DIXDC1: variants seen among roughly 807,000 people sequenced by gnomAD.
DIXDC1 encodes the protein dixin.
Under a neutral mutation model 103.1 loss-of-function variants are expected in DIXDC1, and 64 were observed. The observed-to-expected ratio is 0.62, with a 90% CI of 0.51 to 0.76. The LOEUF (loss-of-function observed/expected upper bound fraction) is 0.76, where lower values mean the gene tolerates loss of function less well. Ranked by LOEUF, DIXDC1 falls within the 30% of genes least tolerant of loss-of-function variation. The probability of loss-of-function intolerance (pLI) is 0.00; values close to 1 mark genes in which losing one functional copy is unlikely to be tolerated. For synonymous variants in DIXDC1, 266 were observed against 298.5 expected (o/e 0.89, Z 1.12); for missense variants, 759 against 834.2 (o/e 0.91, Z 1.11).
chr11:112,006,675 T>C (rs1463254429), intron 17 of DIXDC1, among the ~76,000 whole-genome samples: 1 of 152,122 alleles, frequency 6.6e-6, no homozygotes, highest in Non-Finnish European at 1.5e-5. Flanking sequence ...GGGTCTGGAG[T>C]GGACCTCCAG....
At chr11:111,986,288 C>A (rs1860485405) in intron 8 of DIXDC1, among the ~76,000 whole-genome samples, 1 of 152,134 alleles carries the variant, frequency 6.6e-6, no homozygotes, top group Non-Finnish European at 1.5e-5. Context: ...ATATTTCTCT[C>A]CAAATTCATC....
intron 17 of DIXDC1, among the ~76,000 whole-genome samples, chr11:112,013,478 A>C (rs1295462508): frequency 6.6e-6 from 1 of 152,104 alleles, no homozygotes; most frequent in Non-Finnish European, 1.5e-5. Flanking sequence ...TATCTCTAAT[A>C]CTTGATACAT....
upstream of DIXDC1, among the ~76,000 whole-genome samples, chr11:111,933,811 G>A (rs1555167905): frequency 6.6e-6 from 1 of 151,292 alleles, no homozygotes; most frequent in Non-Finnish European, 1.5e-5. Flanking sequence ...TGAATTATTG[G>A]CCATAATAGT....
In DIXDC1 at chr11:111,977,288, C is replaced by T; in HGVS notation, c.656+2305C>T. ...CGCGTGTGACAGCCCAGGGAGGGAG[C>T]AGAGGGTGGGGCGGGGAGGGATCCG... On this transcript the variant is annotated intron_variant, in intron 5 of 19. Transcript: ENST00000440460. This position sits in a 1 kb window ranked among gnomAD's most constrained non-coding sequence, Gnocchi z 6.1. 5.8e-6 allele frequency: 6 copies of T among 1,028,810 alleles called. No homozygotes were observed. The highest frequency in any genetic ancestry group is 7.0e-6 in the Non-Finnish European group (6 of 857,798). 63.7% of individuals were successfully genotyped at this position (1,028,810 alleles called of 1,614,324 possible). A position where few individuals can be genotyped will look rare whatever the true frequency, so the allele number is the denominator to read the frequency against.
upstream of DIXDC1, among the ~76,000 whole-genome samples, chr11:111,932,442 C>T (rs782384692): frequency 9.3e-5 from 14 of 150,832 alleles, no homozygotes; most frequent in Non-Finnish European, 5.9e-5. Context: ...GAAAATTAGC[C>T]GGGCGTGGTG....
At chr11:111,975,046 A>C in intron 5 of DIXDC1, 63 bp downstream of exon 5, 1 of 1,558,774 alleles carries the variant, frequency 6.4e-7, no homozygotes, top group Non-Finnish European at 8.7e-7. Context: ...TTCAAGTAAC[A>C]ATACAACAAG....
chr11:111,932,007 C>T (rs1966034287), intron 2 of DIXDC1, among the ~76,000 whole-genome samples: 1 of 150,668 alleles, frequency 6.6e-6, no homozygotes, highest in Non-Finnish European at 1.5e-5. Flanking sequence ...TACTCACCCA[C>T]AGGCTAGCTG....
upstream of DIXDC1, among the ~76,000 whole-genome samples, chr11:111,933,086 A>G (rs1339514508): frequency 6.6e-6 from 1 of 152,244 alleles, no homozygotes; most frequent in Admixed American, 6.5e-5. Flanking sequence ...ATAATTAAGT[A>G]CTAAATGACA....
At position 111,958,261 on chromosome 11, in the gene DIXDC1, C is replaced by T. The variant is rs1859454176; in HGVS notation, c.61-6288C>T. Among the ~76,000 whole-genome samples, 1 of 152,088 alleles carries T rather than the reference C, an allele frequency of 6.6e-6. No individual in the cohort carries two copies. Among genetic ancestry groups the T allele is most frequent in the Non-Finnish European group, 1.5e-5 (1 of 67,986 alleles). ...CAGGCATCCCTGTGCTCTTGGGGGC[C>T]AGGAGCAGGCAGGAGCCCCAACCCC... On this transcript the variant is annotated intron_variant, in intron 1 of 19. Transcript: ENST00000440460. The surrounding 1 kb of genome is among the most constrained non-coding windows in gnomAD (Gnocchi z 4.2).
chr11:111,980,386 G>A (rs1412070438), intron 5 of DIXDC1, among the ~76,000 whole-genome samples: 1 of 152,226 alleles, frequency 6.6e-6, no homozygotes, highest in Non-Finnish European at 1.5e-5. Context: ...CCCAGGGATG[G>A]TGATGGAGGA....
Position 111,977,443 on chromosome 11 carries a change from G to A in DIXDC1, c.656+2460G>A. 1 of 1,233,594 alleles carries A rather than the reference G, an allele frequency of 8.1e-7. No individual in the cohort carries two copies. 76.4% of individuals were successfully genotyped at this position (1,233,594 alleles called of 1,614,324 possible). On this transcript the variant is annotated intron_variant, in intron 5 of 19. Transcript: ENST00000440460. The surrounding 1 kb of genome is among the most constrained non-coding windows in gnomAD (Gnocchi z 6.1). ...GGGATGCCCGGCACCGTGCGTCCGC[G>A]GAGGCCAAGATGCAGCGGCCAGGGG...
chr11:112,018,391 C>T (rs1442773844), intron 19 of DIXDC1, among the ~76,000 whole-genome samples: 5 of 152,292 alleles, frequency 3.3e-5, no homozygotes, highest in South Asian at 4.1e-4. Context: ...TGGGGGAATA[C>T]AGTTCTGGGT....
At chr11:111,982,519 A>C (rs1860346008) in intron 7 of DIXDC1, 32 bp downstream of exon 7, 1 of 1,602,262 alleles carries the variant, frequency 6.2e-7, no homozygotes, top group Non-Finnish European at 8.5e-7. Context: ...TGCCCTTGTT[A>C]TACCAATTGA....
intron 17 of DIXDC1, among the ~76,000 whole-genome samples, chr11:112,013,314 C>G (rs190076166): frequency 6.2e-4 from 6 of 9,756 alleles, no homozygotes; most frequent in African/African-American, 7.5e-4. Context: ...GTTGACGGGT[C>G]GGGGGGTGGG....
chr11:111,992,896 C>A, intron 11 of DIXDC1, 55 bp from the exon 12 acceptor site: 1 of 1,554,882 alleles, frequency 6.4e-7, no homozygotes, highest in South Asian at 1.2e-5. Flanking sequence ...AGCTGGTTTC[C>A]TTGAGGGTTA....
intron 17 of DIXDC1, among the ~76,000 whole-genome samples, chr11:112,005,838 A>G (rs1015556458): frequency 6.6e-6 from 1 of 152,214 alleles, no homozygotes; most frequent in Non-Finnish European, 1.5e-5. Context: ...CAGAACATCA[A>G]TAAGAATATA....
chr11:111,932,596 A>G (rs1966064049), upstream of DIXDC1, among the ~76,000 whole-genome samples: 1 of 151,696 alleles, frequency 6.6e-6, no homozygotes, highest in African/African-American at 2.4e-5. Flanking sequence ...CAAAAAAAAA[A>G]AAAAAAGAAA....
intron 3 of DIXDC1, among the ~76,000 whole-genome samples, chr11:111,969,075 G>A (rs1248478193): frequency 2.6e-5 from 4 of 151,194 alleles, no homozygotes; most frequent in African/African-American, 7.3e-5. Context: ...CATTGTGCCC[G>A]GGCATTCATT....
intron 17 of DIXDC1, among the ~76,000 whole-genome samples, chr11:112,004,024 A>T (rs1861148594): frequency 1.3e-5 from 1 of 79,664 alleles, no homozygotes; most frequent in South Asian, 4.4e-4. Flanking sequence ...AAAAAAAAAA[A>T]ATTATATATA....
Sources: allele counts gnomAD v4.1 joint callset (sites outside exome capture counted in the v4.1 genomes callset), GRCh38; gene constraint gnomAD v4.1.1; non-coding constraint Gnocchi (gnomAD v3.1); transcripts MANE v1.5; gene names NCBI Gene and HGNC (gene_info 2026-07-23, HGNC 2026-07-21).